Variants in AUTS2 observed in about 807,000 individuals in gnomAD.
AUTS2 encodes autism susceptibility gene 2 protein.
A neutral mutation model predicts 112.4 loss-of-function variants in AUTS2; 17 were observed. That is an observed-to-expected ratio of 0.15 (90% CI 0.10 to 0.23). AUTS2 has a LOEUF of 0.23. Ranked by LOEUF, AUTS2 falls within the 10% of genes least tolerant of loss-of-function variation. The pLI is 1.00. For synonymous variants in AUTS2, 751 were observed against 702.7 expected, an observed-to-expected ratio of 1.07 and a Z score of -1.09; for missense variants, 1,510 against 1,701.6, an observed-to-expected ratio of 0.89 and a Z score of 1.98.
intron 5 of AUTS2, among the ~76,000 whole-genome samples, chr7:70,620,122 G>A (rs1421510962): frequency 1.3e-5 from 2 of 152,128 alleles, no homozygotes; most frequent in East Asian, 1.9e-4. Flanking sequence ...GTCAGGACCC[G>A]CTTTCTTTTC....
chr7:70,569,147 G>T (rs1801834505), intron 5 of AUTS2, among the ~76,000 whole-genome samples: 1 of 152,170 alleles, frequency 6.6e-6, no homozygotes, highest in Admixed American at 6.5e-5. Context: ...ATATCAAATG[G>T]AGAGCCTCTT....
At chr7:70,098,340 C>T (rs1804306202) in intron 2 of AUTS2, among the ~76,000 whole-genome samples, 1 of 152,208 alleles carries the variant, frequency 6.6e-6, no homozygotes, top group South Asian at 2.1e-4. Flanking sequence ...TGTTAATTTA[C>T]TTGTTAAAGC....
At chr7:69,809,807 A>T (rs1017019844) in intron 1 of AUTS2, among the ~76,000 whole-genome samples, 1 of 152,094 alleles carries the variant, frequency 6.6e-6, no homozygotes, top group African/African-American at 2.4e-5. Context: ...ACAATTAACA[A>T]ATATTTATTG....
At chr7:69,911,708 G>A (rs1476546437) in intron 2 of AUTS2, among the ~76,000 whole-genome samples, 3 of 152,176 alleles carry the variant, frequency 2.0e-5, no homozygotes, top group East Asian at 1.9e-4. Flanking sequence ...TCCGATGTCT[G>A]TTTGAGCCTG....
chr7:70,790,416 A>C lies in AUTS2; in HGVS notation c.3200A>C (p.His1067Pro). Residue 1067 changes from histidine (H) to proline (P), a missense_variant, in exon 19 of 19, where the codon CAC becomes CCC. Physicochemically the swap from His to Pro is moderately conservative, Grantham distance 77. Around this residue, in one of 3 missense-constraint regions of AUTS2, gnomAD observed 788 missense variants for 797.6 expected, o/e 0.99. Transcript: ENST00000342771. This position sits in a 1 kb window ranked among gnomAD's most constrained non-coding sequence, Gnocchi z 7.6. ...GAGCGCTTCCCGTACCCTTCTTTCC[A>C]CTGGGACCCCATCCGGGACCCCTTG... ...GGERFPYPSFHWDPIRDPLRD... is the reference protein window; with the variant it reads ...GGERFPYPSFPWDPIRDPLRD... 6.2e-7 allele frequency: 1 copy of C among 1,612,964 alleles called. No individual in the cohort carries two copies. The highest frequency in any genetic ancestry group is 8.5e-7 in the Non-Finnish European group (1 of 1,179,662).
chr7:69,679,267 A>G (rs1796695111), intron 1 of AUTS2, among the ~76,000 whole-genome samples: 1 of 152,218 alleles, frequency 6.6e-6, no homozygotes, highest in Non-Finnish European at 1.5e-5. Flanking sequence ...TTTCATGTAC[A>G]TTAATGGGCG....
intron 2 of AUTS2, among the ~76,000 whole-genome samples, chr7:70,109,303 C>G (rs1414905906): frequency 1.3e-5 from 2 of 152,098 alleles, no homozygotes; most frequent in Non-Finnish European, 2.9e-5. Context: ...TGTACTAAAG[C>G]AATCAAATAT....
intron 5 of AUTS2, among the ~76,000 whole-genome samples, chr7:70,487,499 G>A (rs562055154): frequency 9.9e-4 from 151 of 152,294 alleles, no homozygotes; most frequent in African/African-American, 3.2e-3. Context: ...GAGCCATTAC[G>A]ATTATGATGG....
chr7:69,702,397 A>G (rs1252473651), intron 1 of AUTS2, among the ~76,000 whole-genome samples: 12 of 152,196 alleles, frequency 7.9e-5, no homozygotes, highest in Admixed American at 2.0e-4. Context: ...TGAATGACTG[A>G]TTTGAAAGGT....
chr7:70,622,294 C>T lies in AUTS2; in HGVS notation c.691-76275C>T, dbSNP rs1804723205. 2.6e-5 allele frequency among the ~76,000 whole-genome samples: 4 copies of T among 152,290 alleles called. No individual in the cohort carries two copies. In the South Asian group the frequency reaches 6.2e-4, roughly 24 times the overall value. ...ATCTTTGACTTATATTCTCTCCTGC[C>T]TGAGGGGCCTGCCGTTGTCCTCTGT... On this transcript the variant is annotated intron_variant, in intron 5 of 18. Transcript: ENST00000342771.
chr7:70,071,901 A>C (rs984010433), intron 2 of AUTS2, among the ~76,000 whole-genome samples: 3 of 152,128 alleles, frequency 2.0e-5, no homozygotes, highest in Non-Finnish European at 4.4e-5. Flanking sequence ...GACCCATGAG[A>C]GTGGAGAATA....
intron 5 of AUTS2, among the ~76,000 whole-genome samples, chr7:70,484,674 A>G (rs1033597035): frequency 6.6e-6 from 1 of 152,208 alleles, no homozygotes; most frequent in African/African-American, 2.4e-5. Flanking sequence ...TGGATTTAAG[A>G]GCCAATAAAG....
intron 4 of AUTS2, among the ~76,000 whole-genome samples, chr7:70,143,028 T>C (rs534822533): frequency 5.1e-4 from 77 of 152,314 alleles, no homozygotes; most frequent in African/African-American, 1.8e-3. Context: ...CTCACTCCTT[T>C]GCTTAACTAC....
chr7:70,444,528 T>G (rs1404459484), intron 5 of AUTS2, among the ~76,000 whole-genome samples: 3 of 152,184 alleles, frequency 2.0e-5, no homozygotes, highest in African/African-American at 7.2e-5. Flanking sequence ...ATCTAAACTT[T>G]ATACTTTAAG....
At chr7:69,942,681 A>C (rs1015859834) in intron 2 of AUTS2, among the ~76,000 whole-genome samples, 1 of 152,188 alleles carries the variant, frequency 6.6e-6, no homozygotes, top group Non-Finnish European at 1.5e-5. Flanking sequence ...AGTAAGCTGC[A>C]TTGTGGTAGC....
intron 3 of AUTS2, among the ~76,000 whole-genome samples, chr7:70,128,404 A>G (rs1247823154): frequency 6.6e-6 from 1 of 152,218 alleles, no homozygotes; most frequent in Non-Finnish European, 1.5e-5. Context: ...GTTTTCTGAC[A>G]TAAACAATAT....
rs1381462746 is a variant in AUTS2, at chr7:70,021,388, A to G, written c.523-96744A>G. 3.3e-5 allele frequency among the ~76,000 whole-genome samples: 5 copies of G among 152,298 alleles called. No homozygotes were observed. The East Asian group carries it at 7.7e-4, about 23-fold the overall frequency. Reference sequence around the variant, plus strand: ...TCTGCCGGTAATCCTGTTTTTAGCTAGAAGGTTAGGCTTTGAGAAGTGTGA... The same window carrying G: ...TCTGCCGGTAATCCTGTTTTTAGCTGGAAGGTTAGGCTTTGAGAAGTGTGA... On this transcript the variant is annotated intron_variant, in intron 2 of 18. Coordinates refer to ENST00000342771, the MANE Select transcript of AUTS2 (RefSeq NM_015570.4).
chr7:70,123,935 A>G (rs1805823151), intron 3 of AUTS2, among the ~76,000 whole-genome samples: 1 of 152,182 alleles, frequency 6.6e-6, no homozygotes. Flanking sequence ...ATTGCTTTCC[A>G]GAATAGTTGA....
chr7:69,863,620 TGCC>T (rs1461657193), intron 1 of AUTS2, among the ~76,000 whole-genome samples: 1 of 152,242 alleles, frequency 6.6e-6, no homozygotes, highest in Non-Finnish European at 1.5e-5. Flanking sequence ...ACAGAAACCA[TGCC>T]CCCAGTAATT....
Sources: gnomAD v4.1 joint callset for allele counts (sites outside exome capture counted in the v4.1 genomes callset) on GRCh38, gnomAD v4.1.1 for gene constraint, gnomAD v4.1.1 regional missense constraint, Gnocchi (gnomAD v3.1) non-coding constraint, MANE v1.5 for transcripts, NCBI Gene and HGNC (gene_info 2026-07-23, HGNC 2026-07-21) for gene names.